DLG2: variants seen among roughly 807,000 people sequenced by gnomAD.
DLG2 encodes the protein discs large MAGUK scaffold protein 2.
Under a neutral mutation model 132.5 loss-of-function variants are expected in DLG2, and 45 were observed. The ratio of observed to expected loss-of-function variants is 0.34; its 90% confidence interval spans 0.27 to 0.44. The LOEUF is 0.44. Among genes scored for constraint, DLG2 ranks in the 20% least tolerant of loss-of-function variants. The pLI is 1.00. For synonymous variants in DLG2, 424 were observed against 419.6 expected (o/e 1.01, Z -0.13); for missense variants, 1,045 against 1,196.9 (o/e 0.87, Z 1.87).
chr11:85,484,158 G>A (rs1324213087), intron 3 of DLG2, among the ~76,000 whole-genome samples: 1 of 151,984 alleles, frequency 6.6e-6, no homozygotes, highest in Non-Finnish European at 1.5e-5. Flanking sequence ...GGTCCGCGCA[G>A]TCCGCCCGGA....
intron 3 of DLG2, among the ~76,000 whole-genome samples, chr11:85,384,443 T>C (rs2086155686): frequency 6.6e-6 from 1 of 152,204 alleles, no homozygotes; most frequent in East Asian, 1.9e-4. Flanking sequence ...TAATTGGAAC[T>C]CATATCAAAA....
chr11:83,853,383 C>T (rs11605151), intron 16 of DLG2, among the ~76,000 whole-genome samples: 19,914 of 152,032 alleles, frequency 0.13, 1,372 homozygotes, highest in South Asian at 0.15. Flanking sequence ...CTAATTATCA[C>T]ACTCTATCTT....
At chr11:84,104,245 TA>T (rs1205914462) in intron 9 of DLG2, among the ~76,000 whole-genome samples, 52 of 152,018 alleles carry the variant, frequency 3.4e-4, no homozygotes, top group Admixed American at 1.1e-3. Context: ...TACACAGCCA[TA>T]AAAAAAGAAT....
At chr11:83,875,160 A>G (rs1464121190) in intron 15 of DLG2, among the ~76,000 whole-genome samples, 1 of 152,172 alleles carries the variant, frequency 6.6e-6, no homozygotes, top group African/African-American at 2.4e-5. Flanking sequence ...TGATGAACAC[A>G]AAACTTGAAA....
At chr11:84,724,110 A>G (rs1454296362) in intron 6 of DLG2, among the ~76,000 whole-genome samples, 2 of 152,114 alleles carry the variant, frequency 1.3e-5, no homozygotes, top group Non-Finnish European at 2.9e-5. Context: ...TAGATTGGCT[A>G]CTAGGAGCCA....
At chr11:84,368,553 T>G (rs1462818294) in intron 7 of DLG2, among the ~76,000 whole-genome samples, 1 of 152,124 alleles carries the variant, frequency 6.6e-6, no homozygotes, top group Non-Finnish European at 1.5e-5. Context: ...TAAAGGAAGA[T>G]CACGTATTTG....
intron 9 of DLG2, among the ~76,000 whole-genome samples, chr11:84,155,750 G>T (rs950430607): frequency 3.4e-4 from 52 of 152,118 alleles, no homozygotes; most frequent in Non-Finnish European, 2.1e-4. Context: ...GTAACTGCAA[G>T]TAGTTCAGAA....
In DLG2 at chr11:84,600,224, G is replaced by GAA. The variant is rs61255791; in HGVS notation, c.358-65494_358-65493insTT. Among the ~76,000 whole-genome samples, 378 of 100,300 alleles carry GAA rather than the reference G, an allele frequency of 3.8e-3. 3 individuals are homozygous for GAA. Among genetic ancestry groups the GAA allele is most frequent in the Middle Eastern group, 0.015 (3 of 206 alleles). 65.8% of individuals were successfully genotyped at this position (100,300 alleles called of 152,430 possible). On this transcript the variant is annotated intron_variant, in intron 6 of 27. Coordinates refer to ENST00000376104, the MANE Select transcript of DLG2 (RefSeq NM_001142699.3). ...AGAAAGAAAGAAAGAAAGAAAGAAAGAGAAAGAAAGACAGAAAAGCAAGCA... is the reference window on the plus strand; with the variant it reads ...AGAAAGAAAGAAAGAAAGAAAGAAAGAAAGAAAGAAAGACAGAAAAGCAAGCA...
chr11:84,505,211 C>T (rs2099235520), intron 7 of DLG2, among the ~76,000 whole-genome samples: 1 of 151,972 alleles, frequency 6.6e-6, no homozygotes, highest in Non-Finnish European at 1.5e-5. Flanking sequence ...GCGACCCTTC[C>T]CACAAATTTG....
intron 6 of DLG2, among the ~76,000 whole-genome samples, chr11:84,692,334 C>T (rs1405225109): frequency 6.6e-6 from 1 of 151,688 alleles, no homozygotes; most frequent in Non-Finnish European, 1.5e-5. Flanking sequence ...CCTAATTGGT[C>T]ATTAAATAAA....
chr11:83,790,349 T>C, intron 17 of DLG2: 2 of 887,592 alleles, frequency 2.3e-6, no homozygotes, highest in East Asian at 2.4e-5. Flanking sequence ...TTCAGAACTG[T>C]CCCAATCAAG....
At chr11:84,617,453 A>C (rs1420032411) in intron 6 of DLG2, among the ~76,000 whole-genome samples, 1 of 152,126 alleles carries the variant, frequency 6.6e-6, no homozygotes, top group Non-Finnish European at 1.5e-5. Context: ...ATATGTTTGC[A>C]TGTGTCTTTA....
At chr11:85,179,239 T>A (rs528485575) in intron 4 of DLG2, among the ~76,000 whole-genome samples, 1 of 151,974 alleles carries the variant, frequency 6.6e-6, no homozygotes, top group East Asian at 1.9e-4. Flanking sequence ...TAAATTATCA[T>A]GCAAAAGGGA....
chr11:85,162,340 G>A (rs578245385), intron 4 of DLG2, among the ~76,000 whole-genome samples: 5 of 152,216 alleles, frequency 3.3e-5, no homozygotes, highest in African/African-American at 1.2e-4. Flanking sequence ...GACCCTTCAG[G>A]AATGAAGGTT....
intron 3 of DLG2, among the ~76,000 whole-genome samples, chr11:85,299,402 T>G (rs1397038735): frequency 1.3e-5 from 2 of 152,200 alleles, no homozygotes; most frequent in Non-Finnish European, 2.9e-5. Flanking sequence ...TGTTTGTTCA[T>G]CTTGCTTTTC....
intron 6 of DLG2, among the ~76,000 whole-genome samples, chr11:84,712,322 C>T (rs913209120): frequency 6.6e-6 from 1 of 151,926 alleles, no homozygotes; most frequent in Admixed American, 6.6e-5. Context: ...AAAATAAAAA[C>T]TGTAAAAGAC....
chr11:84,313,685 GAA>G (rs60268563), intron 7 of DLG2, among the ~76,000 whole-genome samples: 28 of 145,390 alleles, frequency 1.9e-4, no homozygotes, highest in African/African-American at 4.2e-4. Context: ...AAGAAAGAAA[GAA>G]AAAGAAAGAG....
At chr11:85,116,467 C>T (rs1193906163) in intron 5 of DLG2, among the ~76,000 whole-genome samples, 1 of 151,692 alleles carries the variant, frequency 6.6e-6, no homozygotes, top group East Asian at 1.9e-4. Context: ...ATGCATCATC[C>T]ACATAATGTG....
At chr11:85,511,676 C>CA (rs1305385975) in intron 3 of DLG2, among the ~76,000 whole-genome samples, 1 of 151,276 alleles carries the variant, frequency 6.6e-6, no homozygotes, top group Non-Finnish European at 1.5e-5. Flanking sequence ...TTCAATTATT[C>CA]AAACACCAAA....
Sources: gnomAD v4.1 joint callset for allele counts (sites outside exome capture counted in the v4.1 genomes callset) on GRCh38, gnomAD v4.1.1 for gene constraint, MANE v1.5 for transcripts, NCBI Gene and HGNC (gene_info 2026-07-23, HGNC 2026-07-21) for gene names.